Variants in ANXA2 observed in about 807,000 individuals in gnomAD.
ANXA2 encodes the protein annexin A2.
ANXA2 carries 28 observed loss-of-function variants against 47.3 expected under a neutral mutation model. The observed-to-expected ratio is 0.59, with a 90% CI of 0.44 to 0.81. The LOEUF (loss-of-function observed/expected upper bound fraction) is 0.81. ANXA2 is among the 40% of genes least tolerant of loss of function. The pLI, the probability that ANXA2 is intolerant of heterozygous loss-of-function variation, is 0.00. For synonymous variants in ANXA2, 172 were observed against 155.5 expected (o/e 1.11, Z -0.79); for missense variants, 384 against 414.3 (o/e 0.93, Z 0.64).
intron 7 of ANXA2, 198 bp downstream of exon 7, chr15:60,355,721 A>G (rs1218587502): frequency 4.7e-6 from 3 of 644,632 alleles, no homozygotes; most frequent in South Asian, 1.7e-5. Context: ...CCACTTGTCC[A>G]TGAGGTTTTG....
intron 11 of ANXA2, 45 bp from the exon 12 acceptor site, chr15:60,349,242 C>T (rs753329065): frequency 1.4e-5 from 23 of 1,606,534 alleles, no homozygotes; most frequent in Non-Finnish European, 1.8e-5. Flanking sequence ...AGAATGTTAT[C>T]GTTAAAGAAA....
intron 3 of ANXA2, among the ~76,000 whole-genome samples, chr15:60,375,121 G>A (rs1345537318): frequency 6.6e-6 from 1 of 152,188 alleles, no homozygotes; most frequent in Non-Finnish European, 1.5e-5. Flanking sequence ...AGTGGCATGG[G>A]ATGTTAGTCT....
At chr15:60,392,739 G>C (rs1486860450) in intron 1 of ANXA2, among the ~76,000 whole-genome samples, 1 of 152,232 alleles carries the variant, frequency 6.6e-6, no homozygotes, top group Admixed American at 6.5e-5. Context: ...CCACTTCACA[G>C]TTTAAACGTG....
chr15:60,359,727 C>G (rs1469548292), intron 5 of ANXA2, among the ~76,000 whole-genome samples: 1 of 152,168 alleles, frequency 6.6e-6, no homozygotes, highest in African/African-American at 2.4e-5. Context: ...GCTCTGGTGA[C>G]AGGCTTACAG....
chr15:60,382,202 G>T, intron 3 of ANXA2, 140 bp downstream of exon 3: 1 of 605,062 alleles, frequency 1.7e-6, no homozygotes, highest in South Asian at 2.0e-5. Flanking sequence ...GGCATGGGTT[G>T]AGCTAGGTCT....
At position 60,347,501 on chromosome 15, in the gene ANXA2, T is replaced by C. The variant is rs1179474521; in HGVS notation, c.*129A>G. 4 of 805,786 alleles carry C rather than the reference T, an allele frequency of 5.0e-6. No homozygotes were observed. The highest frequency in any genetic ancestry group is 3.1e-5 in the South Asian group (2 of 64,080). 49.9% of individuals were successfully genotyped at this position (805,786 alleles called of 1,614,324 possible). Reference sequence around the variant, plus strand: ...CAATGCTTAGGCAACTAAAATGAGGTTGGGGGTAATGCTAACGTCACCCTC... The same window carrying C: ...CAATGCTTAGGCAACTAAAATGAGGCTGGGGGTAATGCTAACGTCACCCTC... On this transcript the variant is annotated 3_prime_UTR_variant, in exon 13 of 13. Coordinates refer to ENST00000451270, the MANE Select transcript of ANXA2 (RefSeq NM_004039.3).
intron 3 of ANXA2, among the ~76,000 whole-genome samples, chr15:60,375,138 C>T (rs1229306353): frequency 3.9e-5 from 6 of 152,094 alleles, no homozygotes. Context: ...GTCTTTTGGC[C>T]ACAGAAATCT....
intron 3 of ANXA2, among the ~76,000 whole-genome samples, chr15:60,378,597 G>A (rs1307346675): frequency 1.3e-5 from 2 of 152,090 alleles, no homozygotes; most frequent in Non-Finnish European, 2.9e-5. Context: ...TTTTAATAAT[G>A]CCAACAATCT....
At chr15:60,366,560 C>A (rs1456640424) in intron 3 of ANXA2, among the ~76,000 whole-genome samples, 1 of 150,096 alleles carries the variant, frequency 6.7e-6, no homozygotes, top group Non-Finnish European at 1.5e-5. Context: ...TGAGGAAACC[C>A]TCTGCCTGGC....
intron 5 of ANXA2, among the ~76,000 whole-genome samples, chr15:60,360,600 T>C (rs2140823671): frequency 6.6e-6 from 1 of 151,974 alleles, no homozygotes; most frequent in Middle Eastern, 3.4e-3. Flanking sequence ...ACAAAAGCTA[T>C]GAGTTTTTTT....
chr15:60,367,542 C>A (rs1595683073), intron 3 of ANXA2, among the ~76,000 whole-genome samples: 1 of 60,958 alleles, frequency 1.6e-5, no homozygotes, highest in South Asian at 5.3e-4. Flanking sequence ...CCCGGCCAGC[C>A]GCCCCGTCCG....
At position 60,347,288 on chromosome 15, in the gene ANXA2, A is replaced by G. The variant is rs942888435; in HGVS notation, c.*342T>C. 1 of 312,070 alleles carries G rather than the reference A, an allele frequency of 3.2e-6. No individual in the cohort carries two copies. Among genetic ancestry groups the G allele is most frequent in the Non-Finnish European group, 6.0e-6 (1 of 166,872 alleles). 19.3% of individuals were successfully genotyped at this position (312,070 alleles called of 1,614,324 possible). On this transcript the variant is annotated 3_prime_UTR_variant, in exon 13 of 13. Coordinates refer to ENST00000451270, the MANE Select transcript of ANXA2 (RefSeq NM_004039.3). ...CACCAGCTGAACCCCAAGCACGTTT[A>G]ATTTTCAAACAATTCAGTTGAAAGC...
chr15:60,364,591 T>C (rs2062566820), intron 3 of ANXA2, 68 bp from the exon 4 acceptor site: 10 of 1,228,464 alleles, frequency 8.1e-6, no homozygotes, highest in Non-Finnish European at 1.2e-5. Context: ...ATAGAAGGTG[T>C]CAAGCAGACT....
rs2062874286 is a variant in ANXA2 at position 60,382,392 on chromosome 15, A to G, written c.98T>C (p.Phe33Ser). 6.2e-7 allele frequency: 1 copy of G among 1,614,058 alleles called. No individual in the cohort carries two copies. The highest frequency in any genetic ancestry group is 8.5e-7 in the Non-Finnish European group (1 of 1,179,912). ...GTTCAAAGCATCCCGCTCAGCATCA[A>G]AGTTAGTATAGGCTTTGACAGACCC... ...AYGSVKAYTN[F>S]DAERDALNIE... is the part of the protein sequence containing the mutation. Residue 33 changes from phenylalanine to serine, a missense_variant, in exon 3 of 13, where the codon TTT becomes TCT. Transcript: ENST00000451270.
chr15:60,388,081 G>T, intron 1 of ANXA2, among the ~76,000 whole-genome samples: 1 of 152,016 alleles, frequency 6.6e-6, no homozygotes, highest in East Asian at 1.9e-4. Flanking sequence ...CCAACTACTC[G>T]GGAGGCTGAG....
In ANXA2 at chr15:60,386,082, G is replaced by A. The variant is rs1299948894; in HGVS notation, c.-7C>T. Reference sequence around the variant, plus strand: ...TTTCGTGAACAGTAGACATTTTGAAGGAAGCTGGAAAAAAAGTACAACAAA... The same window carrying A: ...TTTCGTGAACAGTAGACATTTTGAAAGAAGCTGGAAAAAAAGTACAACAAA... On this transcript the variant is annotated 5_prime_UTR_variant, in exon 2 of 13. Transcript: ENST00000451270. The A allele has an allele frequency of 1.9e-6, 3 of 1,612,002 alleles. No homozygotes were observed. Among genetic ancestry groups the A allele is most frequent in the South Asian group, 1.1e-5 (1 of 90,802 alleles).
chr15:60,372,627 C>G (rs1229505147), intron 3 of ANXA2, among the ~76,000 whole-genome samples: 3 of 151,644 alleles, frequency 2.0e-5, no homozygotes, highest in Non-Finnish European at 4.4e-5. Flanking sequence ...AAGATAACCC[C>G]AAAGGTTGTG....
At position 60,352,463 on chromosome 15, in the gene ANXA2, G is replaced by C. The variant is rs2062364637; in HGVS notation, c.602C>G (p.Ala201Gly). 9.9e-6 allele frequency: 16 copies of C among 1,613,088 alleles called. No homozygotes were observed. The highest frequency in any genetic ancestry group is 1.4e-5 in the Non-Finnish European group (16 of 1,179,332). Residue 201 changes from alanine (A) to glycine (G), a missense_variant, in exon 9 of 13, where the codon GCT (alanine) becomes GGT (glycine). By Grantham distance (60) the Ala-to-Gly change is moderately conservative. Transcript: ENST00000451270. The surrounding 1 kb of genome is among the most constrained non-coding windows in gnomAD (Gnocchi z 4.2). ...ATCAGTTCCTTTCCTCTTCACTCCAGCGTCATAGAGATCCTACGAGTACAA... is the reference window on the plus strand; with the variant it reads ...ATCAGTTCCTTTCCTCTTCACTCCACCGTCATAGAGATCCTACGAGTACAA... Reference protein sequence around the residue: ...IDQDARDLYDAGVKRKGTDVP... With the variant: ...IDQDARDLYDGGVKRKGTDVP...
At chr15:60,354,291 T>G in intron 7 of ANXA2, 78 bp from the exon 8 acceptor site, 2 of 1,139,720 alleles carry the variant, frequency 1.8e-6, no homozygotes, top group Admixed American at 2.3e-5. Context: ...CCCCAGTCCA[T>G]GTACGCCATT....
Sources: gnomAD v4.1 joint callset for allele counts (sites outside exome capture counted in the v4.1 genomes callset) on GRCh38, gnomAD v4.1.1 for gene constraint, Gnocchi (gnomAD v3.1) non-coding constraint, MANE v1.5 for transcripts, NCBI Gene and HGNC (gene_info 2026-07-23, HGNC 2026-07-21) for gene names.